Variants in ITGA8 observed in about 807,000 individuals in gnomAD.
The protein encoded by ITGA8 is integrin subunit alpha 8.
Under a neutral mutation model 142.3 loss-of-function variants are expected in ITGA8, and 91 were observed. That is an observed-to-expected ratio of 0.64 (90% CI 0.54 to 0.76). ITGA8 has a LOEUF of 0.76. ITGA8 is among the 30% of genes least tolerant of loss of function. The probability of loss-of-function intolerance (pLI) is 0.00; values close to 1 mark genes in which losing one functional copy is unlikely to be tolerated. For synonymous variants in ITGA8, 505 were observed against 485.2 expected (o/e 1.04, Z -0.54); for missense variants, 1,406 against 1,327.7 (o/e 1.06, Z -0.92).
chr10:15,708,984 C>T (rs1259217958), intron 2 of ITGA8, among the ~76,000 whole-genome samples: 1 of 152,106 alleles, frequency 6.6e-6, no homozygotes, highest in Admixed American at 6.5e-5. Context: ...GCCAAAGATA[C>T]GAGGTTGTTT....
intron 2 of ITGA8, among the ~76,000 whole-genome samples, chr10:15,711,476 T>C (rs1387423273): frequency 6.6e-6 from 1 of 152,144 alleles, no homozygotes. Context: ...GTTTTTTCTC[T>C]TCATCTTTTT....
chr10:15,642,948 A>G (rs1289109106), intron 13 of ITGA8, among the ~76,000 whole-genome samples: 1 of 152,208 alleles, frequency 6.6e-6, no homozygotes, highest in Non-Finnish European at 1.5e-5. Context: ...CAAGGTTTTT[A>G]TAAGTAGTTG....
intron 3 of ITGA8, among the ~76,000 whole-genome samples, chr10:15,686,777 T>C (rs781572549): frequency 6.6e-6 from 1 of 152,194 alleles, no homozygotes; most frequent in Non-Finnish European, 1.5e-5. Flanking sequence ...TTTTAGAAAA[T>C]GCAGGCATGC....
At chr10:15,557,313 G>C (rs375836790) in intron 26 of ITGA8, among the ~76,000 whole-genome samples, 2 of 152,190 alleles carry the variant, frequency 1.3e-5, no homozygotes, top group African/African-American at 4.8e-5. Context: ...CCGAGAAGCA[G>C]AGGTTGCAGT....
intron 13 of ITGA8, among the ~76,000 whole-genome samples, chr10:15,641,867 C>T (rs1057301571): frequency 2.0e-5 from 3 of 152,190 alleles, no homozygotes; most frequent in East Asian, 3.9e-4. Flanking sequence ...TGGTGGCTCA[C>T]ACCTGTAATC....
chr10:15,677,515 C>T (rs1424429231), intron 6 of ITGA8, 77 bp downstream of exon 6: 6 of 1,150,428 alleles, frequency 5.2e-6, no homozygotes, highest in Non-Finnish European at 6.4e-6. Context: ...AGAAAGTAAA[C>T]ATTTAACACT....
chr10:15,543,059 T>C (rs1027640524), intron 27 of ITGA8, among the ~76,000 whole-genome samples: 1 of 152,198 alleles, frequency 6.6e-6, no homozygotes, highest in African/African-American at 2.4e-5. Flanking sequence ...CCAAGTAGAA[T>C]AAACACCATA....
intron 20 of ITGA8, among the ~76,000 whole-genome samples, chr10:15,602,669 C>T (rs1004661751): frequency 4.0e-5 from 6 of 151,540 alleles, no homozygotes; most frequent in African/African-American, 1.2e-4. Flanking sequence ...GCCCAGGAAT[C>T]GGAGGTTGTA....
At chr10:15,572,161 A>T (rs1313500804) in intron 25 of ITGA8, 50 bp downstream of exon 25, 1 of 1,449,358 alleles carries the variant, frequency 6.9e-7, no homozygotes, top group South Asian at 1.5e-5. Context: ...TATTTTTTTC[A>T]TACCATAAAA....
In ITGA8 at chr10:15,613,768, C is replaced by A; in HGVS notation, c.1446-1G>T. On this transcript the variant is annotated splice_acceptor_variant, in intron 14 of 29. Transcript: ENST00000378076. LOFTEE classifies it high-confidence loss of function. Reference sequence around the variant, plus strand: ...ATCTACAGTCACAACCGGTCTTGCTCTGCGGGGAGAAAATGCAGGGTTTGT... The same window carrying A: ...ATCTACAGTCACAACCGGTCTTGCTATGCGGGGAGAAAATGCAGGGTTTGT... 1 of 1,607,626 alleles carries A rather than the reference C, an allele frequency of 6.2e-7. No individual in the cohort carries two copies. The highest frequency in any genetic ancestry group is 8.5e-7 in the Non-Finnish European group (1 of 1,174,158).
chr10:15,519,650 A>G lies in ITGA8; in HGVS notation c.2983-238T>C, dbSNP rs114680076. On this transcript the variant is annotated intron_variant, in intron 28 of 29. Coordinates refer to ENST00000378076, the MANE Select transcript of ITGA8 (RefSeq NM_003638.3). Reference sequence around the variant, plus strand: ...AGATTTGGTGGGTGGGTGGCTTTGCATCACAGAAACCCTAGAATAGAATTG... The same window carrying G: ...AGATTTGGTGGGTGGGTGGCTTTGCGTCACAGAAACCCTAGAATAGAATTG... Among the ~76,000 whole-genome samples, 1,431 of 152,220 alleles carry G rather than the reference A, an allele frequency of 9.4e-3. 19 individuals are homozygous for G. Among genetic ancestry groups the G allele is most frequent in the African/African-American group, 0.033 (1,384 of 41,550 alleles).
chr10:15,599,123 T>C (rs1173680436), intron 20 of ITGA8, among the ~76,000 whole-genome samples: 2 of 152,126 alleles, frequency 1.3e-5, no homozygotes, highest in African/African-American at 4.8e-5. Flanking sequence ...TTAAAAGTTA[T>C]ATGTACAGTT....
intron 25 of ITGA8, among the ~76,000 whole-genome samples, chr10:15,567,332 A>G (rs1834098479): frequency 6.6e-6 from 1 of 152,208 alleles, no homozygotes; most frequent in Non-Finnish European, 1.5e-5. Flanking sequence ...ATAGTTTGAA[A>G]TAATTATTGT....
At chr10:15,608,847 GCTTAA>G (rs1352112999) in intron 15 of ITGA8, among the ~76,000 whole-genome samples, 2 of 152,040 alleles carry the variant, frequency 1.3e-5, no homozygotes, top group African/African-American at 4.8e-5. Flanking sequence ...CACATGGTAT[GCTTAA>G]CTTAAAACAC....
At chr10:15,654,812 A>G (rs975584914) in intron 11 of ITGA8, among the ~76,000 whole-genome samples, 12 of 152,238 alleles carry the variant, frequency 7.9e-5, no homozygotes, top group Non-Finnish European at 1.5e-5. Flanking sequence ...AGGTCCTTTT[A>G]GTGAATCAAA....
intron 11 of ITGA8, among the ~76,000 whole-genome samples, chr10:15,653,166 G>A (rs1463496726): frequency 1.3e-5 from 2 of 152,140 alleles, no homozygotes; most frequent in South Asian, 2.1e-4. Flanking sequence ...TCTTCCACAG[G>A]GAACACTCCT....
chr10:15,624,797 G>C (rs898873416), intron 13 of ITGA8, among the ~76,000 whole-genome samples: 3 of 152,158 alleles, frequency 2.0e-5, no homozygotes, highest in African/African-American at 7.2e-5. Context: ...ATACAATGAT[G>C]ATATTAAGAG....
intron 13 of ITGA8, among the ~76,000 whole-genome samples, chr10:15,618,952 T>C (rs1035074148): frequency 1.3e-5 from 2 of 152,234 alleles, no homozygotes; most frequent in Non-Finnish European, 2.9e-5. Flanking sequence ...AGAGAGAGAC[T>C]GCAGATGATT....
chr10:15,516,838 G>T lies in ITGA8; in HGVS notation c.*320C>A. On this transcript the variant is annotated 3_prime_UTR_variant, in exon 30 of 30. Coordinates refer to ENST00000378076, the MANE Select transcript of ITGA8 (RefSeq NM_003638.3). ...CATTTCATCTCTGCAACTTATGCTGGATTGATCTGGACTGCAACTTACGTT... is the reference window on the plus strand; with the variant it reads ...CATTTCATCTCTGCAACTTATGCTGTATTGATCTGGACTGCAACTTACGTT... 4.9e-6 allele frequency: 1 copy of T among 202,176 alleles called. No homozygotes were observed. The highest frequency in any genetic ancestry group is 9.5e-5 in the South Asian group (1 of 10,580). 12.5% of individuals were successfully genotyped at this position (202,176 alleles called of 1,614,324 possible).
Sources: gnomAD v4.1 joint callset for allele counts (sites outside exome capture counted in the v4.1 genomes callset) on GRCh38, gnomAD v4.1.1 for gene constraint, MANE v1.5 for transcripts, NCBI Gene and HGNC (gene_info 2026-07-23, HGNC 2026-07-21) for gene names.